NOS2: variants seen among roughly 807,000 people sequenced by gnomAD.
The protein encoded by NOS2 is nitric oxide synthase, inducible.
In NOS2, 96 loss-of-function variants were observed where a neutral mutation model predicts 136.0. The observed-to-expected ratio is 0.71, with a 90% confidence interval of 0.60 to 0.84. NOS2 has a LOEUF of 0.84. NOS2 is among the 40% of genes least tolerant of loss of function. The probability of loss-of-function intolerance (pLI) is 0.00; values close to 1 mark genes in which losing one functional copy is unlikely to be tolerated. For synonymous variants in NOS2, 539 were observed against 587.5 expected, an observed-to-expected ratio of 0.92 and a Z score of 1.20; for missense variants, 1,237 against 1,496.9, an observed-to-expected ratio of 0.83 and a Z score of 2.87.
At chr17:27,799,719 G>T (rs1324973514) in intron 1 of NOS2, among the ~76,000 whole-genome samples, 4 of 151,842 alleles carry the variant, frequency 2.6e-5, no homozygotes, top group Non-Finnish European at 5.9e-5. Flanking sequence ...GGTGTCTTGT[G>T]CCTGTAGTCC....
rs186785963 is a variant in NOS2, at chr17:27,796,427, T to C, written c.110+2273A>G. Among the ~76,000 whole-genome samples, 180 of 151,878 alleles carry C rather than the reference T, an allele frequency of 1.2e-3. 2 individuals carry two copies. The highest frequency in any genetic ancestry group is 4.0e-3 in the African/African-American group (166 of 41,406). On this transcript the variant is annotated intron_variant, in intron 2 of 26. Coordinates refer to ENST00000313735, the MANE Select transcript of NOS2 (RefSeq NM_000625.4). ...CTGAAATGGAGCCACTACACTGAAG[T>C]CTGGGCAACAGAGTGAGACCCTGTC...
intron 2 of NOS2, among the ~76,000 whole-genome samples, chr17:27,794,747 C>CACACACA: frequency 1.3e-5 from 2 of 150,496 alleles, no homozygotes; most frequent in African/African-American, 4.9e-5. Context: ...CACACACACA[C>CACACACA]CATGCTCATT....
At chr17:27,794,670 T>G (rs189714409) in intron 2 of NOS2, among the ~76,000 whole-genome samples, 1 of 151,738 alleles carries the variant, frequency 6.6e-6, no homozygotes, top group East Asian at 1.9e-4. Flanking sequence ...TGCTCCCACA[T>G]TTGCCTTTGT....
At chr17:27,759,923 C>T (rs914539173) in intron 25 of NOS2, 107 bp downstream of exon 25, 5 of 1,104,832 alleles carry the variant, frequency 4.5e-6, no homozygotes, top group Non-Finnish European at 6.3e-6. Context: ...CCAGCATTTT[C>T]GAGCTCAGGA....
intron 11 of NOS2, 93 bp downstream of exon 11, chr17:27,778,597 G>A (rs543883877): frequency 2.0e-6 from 2 of 999,408 alleles, no homozygotes; most frequent in African/African-American, 1.6e-5. Context: ...AGTGAGCAAG[G>A]GGGCTTACTT....
intron 5 of NOS2, among the ~76,000 whole-genome samples, chr17:27,784,996 G>A (rs1381691015): frequency 1.3e-5 from 2 of 152,218 alleles, no homozygotes; most frequent in East Asian, 1.9e-4. Context: ...CTGAACACCC[G>A]CCCAATTGCC....
At chr17:27,760,330 A>G in intron 24 of NOS2, 152 bp from the exon 25 acceptor site, 1 of 866,004 alleles carries the variant, frequency 1.2e-6, no homozygotes, top group Non-Finnish European at 1.7e-6. Flanking sequence ...GCGCATTCAG[A>G]TCACTCATCC....
rs1389484051 is a variant in NOS2 at position 27,778,694 on chromosome 17, A to C, written c.1277T>G (p.Phe426Cys). ...CTCACAAAACTCCAGACATACCTGG[A>C]AACTATGGAGCACAGCAATGTTGAT... ...VEINIAVLHSFQKQNVTIMDH... is the reference protein window; with the variant it reads ...VEINIAVLHSCQKQNVTIMDH... Residue 426 changes from phenylalanine to cysteine, a missense_variant, in exon 11 of 27, where the codon TTC (phenylalanine) becomes TGC (cysteine). Physicochemically the swap from Phe to Cys is radical, Grantham distance 205. Transcript: ENST00000313735. 6.2e-7 allele frequency: 1 copy of C among 1,613,618 alleles called. No homozygotes were observed. The highest frequency in any genetic ancestry group is 2.2e-5 in the East Asian group (1 of 44,890).
intron 7 of NOS2, among the ~76,000 whole-genome samples, chr17:27,781,774 C>G (rs1017185224): frequency 3.9e-5 from 6 of 152,200 alleles, no homozygotes; most frequent in African/African-American, 1.4e-4. Flanking sequence ...TCCTCCATCC[C>G]CTCCAAGTGG....
chr17:27,782,391 C>T (rs944724), intron 6 of NOS2, among the ~76,000 whole-genome samples: 38,088 of 152,004 alleles, frequency 0.25, 4,912 homozygotes, highest in Middle Eastern at 0.4. Context: ...TCCAAGAAAA[C>T]CTGACTTGAA....
At chr17:27,764,405 A>G (rs982183851) in intron 20 of NOS2, among the ~76,000 whole-genome samples, 1 of 152,226 alleles carries the variant, frequency 6.6e-6, no homozygotes, top group Non-Finnish European at 1.5e-5. Context: ...TCTGGCCCAG[A>G]CCTGAACTTT....
intron 22 of NOS2, among the ~76,000 whole-genome samples, chr17:27,762,029 T>G (rs1908147301): frequency 6.6e-6 from 1 of 152,144 alleles, no homozygotes; most frequent in Non-Finnish European, 1.5e-5. Context: ...AGCTCCCAGC[T>G]TTGCCAACCC....
chr17:27,759,690 G>A (rs1204435883), intron 25 of NOS2, among the ~76,000 whole-genome samples: 1 of 152,102 alleles, frequency 6.6e-6, no homozygotes. Context: ...TGGAAGCATC[G>A]GCCGCCCTCC....
rs1248877250 is a variant in NOS2, at chr17:27,792,539, C to A, written c.111-2851G>T. ...GCTGGGAGACAGGGTGACAGGGTGACCAGACTCCAGGTGAGCACCTTCAGA... is the reference window on the plus strand; with the variant it reads ...GCTGGGAGACAGGGTGACAGGGTGAACAGACTCCAGGTGAGCACCTTCAGA... On this transcript the variant is annotated intron_variant, in intron 2 of 26. Coordinates refer to ENST00000313735, the MANE Select transcript of NOS2 (RefSeq NM_000625.4). 2.0e-5 allele frequency among the ~76,000 whole-genome samples: 3 copies of A among 152,190 alleles called. No individual in the cohort carries two copies. The East Asian group carries it at 5.8e-4, about 29-fold the overall frequency.
At chr17:27,759,802 G>A (rs540470288) in intron 25 of NOS2, among the ~76,000 whole-genome samples, 1 of 152,290 alleles carries the variant, frequency 6.6e-6, no homozygotes, top group East Asian at 1.9e-4. Flanking sequence ...TGGGCTCTGG[G>A]GTTAACCCGC....
chr17:27,777,637 T>G (rs1237387248), intron 11 of NOS2, among the ~76,000 whole-genome samples: 3 of 152,098 alleles, frequency 2.0e-5, no homozygotes. Flanking sequence ...AAAGACAAAT[T>G]ATTTTAGCAT....
intron 2 of NOS2, among the ~76,000 whole-genome samples, chr17:27,792,689 G>C (rs532030067): frequency 5.3e-5 from 8 of 151,946 alleles, no homozygotes; most frequent in Admixed American, 3.3e-4. Context: ...TTCAAAGAGA[G>C]TGCTGGCAGC....
chr17:27,761,824 C>T (rs995990370), intron 22 of NOS2, among the ~76,000 whole-genome samples: 4 of 152,136 alleles, frequency 2.6e-5, no homozygotes, highest in Non-Finnish European at 5.9e-5. Flanking sequence ...TGGCCCAGCA[C>T]TTGAGGAAGG....
intron 25 of NOS2, among the ~76,000 whole-genome samples, chr17:27,759,499 A>C (rs568757295): frequency 1.2e-3 from 177 of 152,238 alleles, no homozygotes; most frequent in African/African-American, 4.1e-3. Flanking sequence ...GGAGTCAGTC[A>C]GGGACTCTCT....
Sources: gnomAD v4.1 joint callset for allele counts (sites outside exome capture counted in the v4.1 genomes callset) on GRCh38, gnomAD v4.1.1 for gene constraint, MANE v1.5 for transcripts, NCBI Gene and HGNC (gene_info 2026-07-23, HGNC 2026-07-21) for gene names.